Variants in OSBPL8 observed in about 807,000 individuals in gnomAD.
The protein encoded by OSBPL8 is oxysterol-binding protein-related protein 8.
A neutral mutation model predicts 125.5 loss-of-function variants in OSBPL8; 59 were observed. The ratio of observed to expected loss-of-function variants is 0.47; its 90% CI spans 0.38 to 0.58. The LOEUF (loss-of-function observed/expected upper bound fraction) is 0.58. OSBPL8 is among the 20% of genes least tolerant of loss of function. The pLI, the probability that OSBPL8 is intolerant of heterozygous loss-of-function variation, is 0.00. For synonymous variants in OSBPL8, 330 were observed against 338.9 expected (o/e 0.97, Z 0.29); for missense variants, 758 against 1,047.8 (o/e 0.72, Z 3.82).
At chr12:76,412,165 C>G (rs1025105372) in intron 4 of OSBPL8, among the ~76,000 whole-genome samples, 1 of 151,992 alleles carries the variant, frequency 6.6e-6, no homozygotes, top group African/African-American at 2.4e-5. Context: ...TATGGTCACA[C>G]TGTGGAAAAT....
intron 1 of OSBPL8, among the ~76,000 whole-genome samples, chr12:76,521,545 A>G (rs1047352374): frequency 3.3e-5 from 5 of 152,246 alleles, no homozygotes; most frequent in African/African-American, 1.2e-4. Context: ...AAATGTGGAA[A>G]CAACCCATCA....
intron 4 of OSBPL8, among the ~76,000 whole-genome samples, chr12:76,417,997 T>C (rs997079307): frequency 6.6e-6 from 1 of 151,298 alleles, no homozygotes; most frequent in Non-Finnish European, 1.5e-5. Context: ...GAAAATTATA[T>C]GATTTTCACT....
Position 76,410,610 on chromosome 12 carries a change from A to G in OSBPL8, c.242T>C (p.Ile81Thr). 6.2e-7 allele frequency: 1 copy of G among 1,607,316 alleles called. No homozygotes were observed. The highest frequency in any genetic ancestry group is 8.5e-7 in the Non-Finnish European group (1 of 1,174,782). The stretch of plus-strand genomic sequence containing the variant: ...TGAAGATTCATCTTTATTTTGAGAA[A>G]TATCTTCCTTCCCTCTTTCAAAACC... ...SQGFERGKED[I>T]SQNKDESSLS... The change falls in exon 5 of 24, where the codon ATT becomes ACT. Residue 81 changes from isoleucine (I) to threonine (T), a missense_variant. This residue lies in a region of OSBPL8 where 117 missense variants were observed against 137.1 expected (regional missense o/e 0.85). Transcript: ENST00000261183.
intron 1 of OSBPL8, among the ~76,000 whole-genome samples, chr12:76,512,495 A>G (rs1275672538): frequency 6.6e-6 from 1 of 152,158 alleles, no homozygotes; most frequent in African/African-American, 2.4e-5. Flanking sequence ...AGATGGTTGT[A>G]GGTATGCAGC....
intron 1 of OSBPL8, among the ~76,000 whole-genome samples, chr12:76,510,356 G>A (rs1259224113): frequency 6.6e-6 from 1 of 152,004 alleles, no homozygotes; most frequent in Non-Finnish European, 1.5e-5. Flanking sequence ...GTAGAGTCCA[G>A]GCAAAACTAT....
In OSBPL8 at chr12:76,356,162, T is replaced by TGGGGGG; in HGVS notation, c.2538-147_2538-142dup. 3.8e-3 allele frequency: 515 copies of TGGGGGG among 135,894 alleles called. 1 individual carries two copies. Among genetic ancestry groups the TGGGGGG allele is most frequent in the South Asian group, 5.1e-3 (47 of 9,298 alleles). 8.4% of individuals were successfully genotyped at this position (135,894 alleles called of 1,614,324 possible). ...TGGGTCATGGGGTGGTATGTAGGGG[T>TGGGGGG]GGGGGGGGGCGGGGTCTGGGACTGC... On this transcript the variant is annotated intron_variant, in intron 23 of 23. Transcript: ENST00000261183.
intron 2 of OSBPL8, among the ~76,000 whole-genome samples, chr12:76,480,417 A>G (rs977385788): frequency 6.6e-6 from 1 of 152,142 alleles, no homozygotes; most frequent in Non-Finnish European, 1.5e-5. Flanking sequence ...ATCCAAGTTG[A>G]TAATTGTTGA....
chr12:76,485,823 G>A (rs1878067248), intron 2 of OSBPL8, among the ~76,000 whole-genome samples: 1 of 152,054 alleles, frequency 6.6e-6, no homozygotes, highest in African/African-American at 2.4e-5. Flanking sequence ...TTTAATAGCT[G>A]TTATGAGGAC....
intron 1 of OSBPL8, among the ~76,000 whole-genome samples, chr12:76,521,309 G>C (rs1882042503): frequency 6.6e-6 from 1 of 152,216 alleles, no homozygotes; most frequent in Non-Finnish European, 1.5e-5. Flanking sequence ...AAAAAGTGAT[G>C]TATGCTACGT....
In OSBPL8 at chr12:76,411,884, T is replaced by C. The variant is rs538352102; in HGVS notation, c.218-1250A>G. On this transcript the variant is annotated intron_variant, in intron 4 of 23. Transcript: ENST00000261183. ...AGGACTAACACCATCCAGGTACAGGTGAAAACATAGAGCAACTGAAACTCT... is the reference window on the plus strand; with the variant it reads ...AGGACTAACACCATCCAGGTACAGGCGAAAACATAGAGCAACTGAAACTCT... Among the ~76,000 whole-genome samples the C allele has an allele frequency of 9.6e-4, 146 of 152,076 alleles. 1 individual carries two copies. The highest frequency in any genetic ancestry group is 3.4e-3 in the African/African-American group (141 of 41,516).
At chr12:76,479,524 A>T (rs34921298) in intron 2 of OSBPL8, among the ~76,000 whole-genome samples, 31,054 of 152,106 alleles carry the variant, frequency 0.2, 3,411 homozygotes, top group Non-Finnish European at 0.26. Flanking sequence ...TAGGCAATGA[A>T]CATCAATGGT....
chr12:76,518,303 G>A (rs149292360), intron 1 of OSBPL8, among the ~76,000 whole-genome samples: 164 of 152,286 alleles, frequency 1.1e-3, no homozygotes, highest in African/African-American at 3.6e-3. Flanking sequence ...CATAATCCTT[G>A]ACTTCATGTC....
intron 1 of OSBPL8, among the ~76,000 whole-genome samples, chr12:76,555,979 T>A (rs972807640): frequency 2.6e-5 from 4 of 152,188 alleles, no homozygotes; most frequent in Non-Finnish European, 5.9e-5. Flanking sequence ...CTGCTTATCT[T>A]CAGACACACA....
At chr12:76,481,972 T>A (rs139423978) in intron 2 of OSBPL8, among the ~76,000 whole-genome samples, 3 of 152,326 alleles carry the variant, frequency 2.0e-5, no homozygotes, top group African/African-American at 7.2e-5. Context: ...TATGAATAAC[T>A]CACCTAGTAT....
At chr12:76,382,651 G>A (rs980903239) in intron 15 of OSBPL8, among the ~76,000 whole-genome samples, 1 of 152,220 alleles carries the variant, frequency 6.6e-6, no homozygotes, top group Non-Finnish European at 1.5e-5. Context: ...GGGAGGCTGA[G>A]GCGGGTGGAT....
intron 18 of OSBPL8, among the ~76,000 whole-genome samples, chr12:76,372,330 T>C (rs372317277): frequency 1.3e-5 from 2 of 152,096 alleles, no homozygotes; most frequent in East Asian, 3.9e-4. Flanking sequence ...CTTAGCTTCC[T>C]GAGTAGCTGG....
intron 1 of OSBPL8, among the ~76,000 whole-genome samples, chr12:76,545,358 C>A (rs1950755443): frequency 6.6e-6 from 1 of 151,956 alleles, no homozygotes; most frequent in Non-Finnish European, 1.5e-5. Flanking sequence ...TTCTAAGATA[C>A]TAGGAAAAAA....
At chr12:76,445,799 A>G (rs564799515) in intron 4 of OSBPL8, among the ~76,000 whole-genome samples, 24 of 152,208 alleles carry the variant, frequency 1.6e-4, no homozygotes, top group Non-Finnish European at 2.8e-4. Flanking sequence ...GCCATTTCTT[A>G]TAAAGTGAAA....
chr12:76,514,463 A>G (rs1230078004), intron 1 of OSBPL8, among the ~76,000 whole-genome samples: 1 of 152,034 alleles, frequency 6.6e-6, no homozygotes. Flanking sequence ...TCTTTGTTGA[A>G]CAATTTTTTC....
Sources: allele counts gnomAD v4.1 joint callset (sites outside exome capture counted in the v4.1 genomes callset), GRCh38; gene constraint gnomAD v4.1.1; regional missense constraint gnomAD v4.1.1; transcripts MANE v1.5; gene names NCBI Gene and HGNC (gene_info 2026-07-23, HGNC 2026-07-21).